Variants in RALGAPA2 observed in about 807,000 individuals in gnomAD.
RALGAPA2 encodes ral GTPase-activating protein subunit alpha-2.
RALGAPA2 carries 139 observed loss-of-function variants against 230.4 expected under a neutral mutation model. The ratio of observed to expected loss-of-function variants is 0.60; its 90% CI spans 0.53 to 0.69. The LOEUF (loss-of-function observed/expected upper bound fraction) is 0.69. Among genes scored for constraint, RALGAPA2 ranks in the 30% least tolerant of loss-of-function variants. The pLI is 0.00. For synonymous variants in RALGAPA2, 847 were observed against 837.8 expected, an observed-to-expected ratio of 1.01 and a Z score of -0.19; for missense variants, 2,163 against 2,276.0, an observed-to-expected ratio of 0.95 and a Z score of 1.01.
chr20:20,547,029 C>A (rs973076101), intron 23 of RALGAPA2, among the ~76,000 whole-genome samples, 197 bp from the exon 24 acceptor site: 7 of 152,134 alleles, frequency 4.6e-5, no homozygotes, highest in Non-Finnish European at 8.8e-5. Flanking sequence ...AGATTGGAGA[C>A]CCCAAGCTGT....
At chr20:20,641,436 A>T (rs1477839474) in intron 5 of RALGAPA2, among the ~76,000 whole-genome samples, 1 of 152,176 alleles carries the variant, frequency 6.6e-6, no homozygotes, top group Non-Finnish European at 1.5e-5. Context: ...ATATGGAGCT[A>T]AATAACCTCA....
Position 20,615,568 on chromosome 20 carries a change from C to T in RALGAPA2, c.1688+475G>A, listed in dbSNP as rs114728306. Among the ~76,000 whole-genome samples, 1,441 of 152,190 alleles carry T rather than the reference C, an allele frequency of 9.5e-3. 19 individuals carry two copies. Among genetic ancestry groups the T allele is most frequent in the African/African-American group, 0.03 (1,263 of 41,526 alleles). The stretch of plus-strand genomic sequence containing the variant: ...AAAAACAAAGATGAAAAGGAAAAAA[C>T]GTAGTTTTAATGACAGGAACAGATT... On this transcript the variant is annotated intron_variant, in intron 13 of 39. Coordinates refer to ENST00000202677, the MANE Select transcript of RALGAPA2 (RefSeq NM_020343.4).
intron 39 of RALGAPA2, among the ~76,000 whole-genome samples, chr20:20,396,078 A>AC (rs1391174822): frequency 1.3e-5 from 2 of 152,048 alleles, no homozygotes; most frequent in Non-Finnish European, 2.9e-5. Flanking sequence ...CAGGGCCTGG[A>AC]CCCCAGACCC....
intron 36 of RALGAPA2, among the ~76,000 whole-genome samples, chr20:20,477,597 T>G (rs1316496187): frequency 1.3e-5 from 2 of 152,194 alleles, no homozygotes; most frequent in African/African-American, 4.8e-5. Flanking sequence ...CACATTTTCT[T>G]TTTTTGGAGA....
chr20:20,685,015 A>C (rs1455960473), intron 1 of RALGAPA2, among the ~76,000 whole-genome samples: 1 of 152,150 alleles, frequency 6.6e-6, no homozygotes, highest in Non-Finnish European at 1.5e-5. Context: ...AATCACAGGC[A>C]ATGGAATTTA....
intron 3 of RALGAPA2, among the ~76,000 whole-genome samples, chr20:20,673,567 C>T (rs140467693): frequency 1.3e-5 from 2 of 151,688 alleles, no homozygotes; most frequent in Non-Finnish European, 2.9e-5. Flanking sequence ...ACTTACCAAA[C>T]TTGAATCAAG....
Position 20,472,939 on chromosome 20 carries a change from AGGCCC to A in RALGAPA2, c.5380_5384del (p.Gly1794SerfsTer3). On this transcript the variant is annotated frameshift_variant, in exon 37 of 40. Transcript: ENST00000202677. LOFTEE classifies it high-confidence loss of function. ...CACTCACTATGGCTCCATCAAACAG[AGGCCC>A]AAAAAATGGAACCTGTTGATTTGAA... 6.3e-7 allele frequency: 1 copy of A among 1,595,720 alleles called. No individual in the cohort carries two copies.
intron 20 of RALGAPA2, among the ~76,000 whole-genome samples, chr20:20,580,361 C>T (rs1403713244): frequency 6.6e-6 from 1 of 152,142 alleles, no homozygotes; most frequent in African/African-American, 2.4e-5. Context: ...ACATGCAAAC[C>T]TACCAATTCA....
At chr20:20,595,866 T>C (rs2065438525) in intron 16 of RALGAPA2, among the ~76,000 whole-genome samples, 1 of 151,954 alleles carries the variant, frequency 6.6e-6, no homozygotes, top group African/African-American at 2.4e-5. Context: ...GAGAATTGCT[T>C]GAACTGGGAC....
chr20:20,411,328 CTGTT>C (rs1311138745), intron 38 of RALGAPA2, among the ~76,000 whole-genome samples: 1 of 152,284 alleles, frequency 6.6e-6, no homozygotes, highest in Admixed American at 6.5e-5. Context: ...ATCACATAAT[CTGTT>C]TAAGTGGCAA....
intron 39 of RALGAPA2, among the ~76,000 whole-genome samples, chr20:20,393,914 C>T (rs1196249673): frequency 2.0e-5 from 3 of 152,202 alleles, no homozygotes; most frequent in Admixed American, 6.5e-5. Flanking sequence ...GCCACTGTTG[C>T]GGGTGGAGCT....
chr20:20,627,113 T>C (rs1253286127), intron 10 of RALGAPA2, among the ~76,000 whole-genome samples: 2 of 152,200 alleles, frequency 1.3e-5, no homozygotes, highest in Admixed American at 1.3e-4. Context: ...GGCAGTATGA[T>C]GTGTGCAGTA....
chr20:20,424,800 AT>A (rs1315475650), intron 37 of RALGAPA2, among the ~76,000 whole-genome samples: 1 of 152,084 alleles, frequency 6.6e-6, no homozygotes, highest in East Asian at 1.9e-4. Flanking sequence ...TTAAAGTATA[AT>A]TAAAAAAAAA....
intron 13 of RALGAPA2, among the ~76,000 whole-genome samples, chr20:20,614,752 T>C (rs770202901): frequency 2.0e-5 from 3 of 152,188 alleles, no homozygotes; most frequent in Non-Finnish European, 4.4e-5. Flanking sequence ...ACAGTTCCTT[T>C]CCGATCAGAC....
rs565613426 is a variant in RALGAPA2, at chr20:20,445,350, T to C, written c.5495+27479A>G. 4.6e-5 allele frequency among the ~76,000 whole-genome samples: 7 copies of C among 152,336 alleles called. No homozygotes were observed. In the South Asian group the frequency reaches 6.2e-4, roughly 14 times the overall value. ...TACACCCAAAGTGCTGAATTTTGCA[T>C]GGCAGAAAGGCAGATGATGGAGTAA... On this transcript the variant is annotated intron_variant, in intron 37 of 39. Transcript: ENST00000202677.
At chr20:20,546,568 C>T in intron 24 of RALGAPA2, 136 bp downstream of exon 24, 1 of 1,140,280 alleles carries the variant, frequency 8.8e-7, no homozygotes, top group South Asian at 3.1e-5. Flanking sequence ...ACATCAGCTG[C>T]CAGGGTATCT....
rs2069934161 is a variant in RALGAPA2 at position 20,712,584 on chromosome 20, C to T, written c.-104G>A. On this transcript the variant is annotated 5_prime_UTR_variant, in exon 1 of 40. Transcript: ENST00000202677. This position sits in a 1 kb window ranked among gnomAD's most constrained non-coding sequence, Gnocchi z 5.5. Reference sequence around the variant, plus strand: ...CGGCGCGTGTCGCGCGGGCCACTCGCCGCCCCCAGCCCCGCTGCTGCCGCC... The same window carrying T: ...CGGCGCGTGTCGCGCGGGCCACTCGTCGCCCCCAGCCCCGCTGCTGCCGCC... The T allele has an allele frequency of 7.9e-7, 1 of 1,265,070 alleles. No homozygotes were observed. Among genetic ancestry groups the T allele is most frequent in the South Asian group, 2.8e-5 (1 of 35,120 alleles). 78.4% of individuals were successfully genotyped at this position (1,265,070 alleles called of 1,614,324 possible). A position where few individuals can be genotyped will look rare whatever the true frequency, so the allele number is the denominator to read the frequency against.
intron 36 of RALGAPA2, among the ~76,000 whole-genome samples, chr20:20,477,056 T>C (rs2061669509): frequency 1.3e-5 from 2 of 152,186 alleles, no homozygotes. Flanking sequence ...AGTGGCCACT[T>C]CTTCATTGTA....
intron 37 of RALGAPA2, among the ~76,000 whole-genome samples, chr20:20,418,233 T>C (rs189450068): frequency 1.4e-4 from 22 of 152,334 alleles, no homozygotes; most frequent in Admixed American, 4.6e-4. Context: ...AGATAAACCA[T>C]GACTGGCAAT....
Sources: gnomAD v4.1 joint callset for allele counts (sites outside exome capture counted in the v4.1 genomes callset) on GRCh38, gnomAD v4.1.1 for gene constraint, Gnocchi (gnomAD v3.1) non-coding constraint, MANE v1.5 for transcripts, NCBI Gene and HGNC (gene_info 2026-07-23, HGNC 2026-07-21) for gene names.